Variants in PRKN observed in about 807,000 individuals in gnomAD.
PRKN encodes parkin RBR E3 ubiquitin protein ligase, also known as E3 ubiquitin-protein ligase parkin.
PRKN carries 56 observed loss-of-function variants against 59.5 expected under a neutral mutation model. The observed-to-expected ratio is 0.94, with a 90% confidence interval of 0.76 to 1.18. The LOEUF (loss-of-function observed/expected upper bound fraction) is 1.18. Among genes scored for constraint, PRKN ranks in the 50% most tolerant of loss-of-function variants. The pLI is 0.00. For synonymous variants in PRKN, 250 were observed against 222.1 expected (o/e 1.13, Z -1.12); for missense variants, 657 against 596.4 (o/e 1.10, Z -1.06).
At chr6:161,654,793 G>A (rs1582953337) in intron 7 of PRKN, among the ~76,000 whole-genome samples, 1 of 152,186 alleles carries the variant, frequency 6.6e-6, no homozygotes, top group Admixed American at 6.5e-5. Context: ...GAGAGAAGGA[G>A]GCCAGCAAAG....
intron 7 of PRKN, among the ~76,000 whole-genome samples, chr6:161,585,133 G>A (rs1208000082): frequency 6.6e-6 from 1 of 152,180 alleles, no homozygotes; most frequent in Admixed American, 6.5e-5. Context: ...GGAGGCACTT[G>A]GGAGGAAGCC....
chr6:162,092,972 A>C (rs1387508189), intron 4 of PRKN, among the ~76,000 whole-genome samples: 3 of 152,200 alleles, frequency 2.0e-5, no homozygotes, highest in African/African-American at 7.2e-5. Flanking sequence ...TAGCTCTCAG[A>C]GCCGAAGCTC....
At chr6:162,058,821 G>T (rs144969719) in intron 4 of PRKN, among the ~76,000 whole-genome samples, 423 of 152,038 alleles carry the variant, frequency 2.8e-3, no homozygotes, top group Non-Finnish European at 5.1e-3. Flanking sequence ...GCATGGTGGC[G>T]GGTGCCTGTA....
intron 3 of PRKN, among the ~76,000 whole-genome samples, chr6:162,245,225 C>CT (rs1246356740): frequency 3.3e-5 from 5 of 151,966 alleles, no homozygotes; most frequent in Non-Finnish European, 5.9e-5. Flanking sequence ...CAGTGGTTCA[C>CT]TTTTTTCCAG....
At chr6:162,556,342 G>GGAGT (rs1175202893) in intron 1 of PRKN, among the ~76,000 whole-genome samples, 1 of 57,300 alleles carries the variant, frequency 1.7e-5, no homozygotes, top group Admixed American at 1.9e-4. Flanking sequence ...CTACTCAGCT[G>GGAGT]GTGTGTGTGT....
At chr6:162,077,695 T>C (rs1053309331) in intron 4 of PRKN, among the ~76,000 whole-genome samples, 9 of 152,030 alleles carry the variant, frequency 5.9e-5, no homozygotes, top group Non-Finnish European at 1.3e-4. Context: ...GAGTTTTCTT[T>C]AAAATGTTTA....
intron 2 of PRKN, among the ~76,000 whole-genome samples, chr6:162,369,660 A>G (rs1785639877): frequency 6.6e-6 from 1 of 152,208 alleles, no homozygotes; most frequent in South Asian, 2.1e-4. Flanking sequence ...GTTTAAATGT[A>G]TTTCAGCTCT....
intron 7 of PRKN, among the ~76,000 whole-genome samples, chr6:161,705,334 C>T (rs1048373418): frequency 6.6e-6 from 1 of 152,190 alleles, no homozygotes; most frequent in African/African-American, 2.4e-5. Flanking sequence ...AACAATCTGA[C>T]ATGAAACAAG....
chr6:161,793,060 C>G (rs964422719), intron 6 of PRKN, among the ~76,000 whole-genome samples: 1 of 152,180 alleles, frequency 6.6e-6, no homozygotes, highest in Admixed American at 6.5e-5. Flanking sequence ...TTTCAGCCCA[C>G]GTGGGTCGTA....
chr6:162,434,284 G>C (rs781435261), intron 2 of PRKN, among the ~76,000 whole-genome samples: 7 of 152,122 alleles, frequency 4.6e-5, no homozygotes, highest in Non-Finnish European at 1.0e-4. Flanking sequence ...TCATGGGCTT[G>C]CCCAACAATT....
At chr6:161,853,820 A>G (rs556322628) in intron 6 of PRKN, among the ~76,000 whole-genome samples, 3 of 152,326 alleles carry the variant, frequency 2.0e-5, no homozygotes, top group Non-Finnish European at 4.4e-5. Flanking sequence ...TTTTATCCCC[A>G]GCTCTAAGAA....
At chr6:162,564,870 G>GAA (rs36063884) in intron 1 of PRKN, among the ~76,000 whole-genome samples, 2 of 119,154 alleles carry the variant, frequency 1.7e-5, no homozygotes, top group Non-Finnish European at 3.6e-5. Flanking sequence ...ACTTCAATCA[G>GAA]AAAAAAAAAA....
At chr6:162,537,756 TC>T in intron 1 of PRKN, among the ~76,000 whole-genome samples, 1 of 152,284 alleles carries the variant, frequency 6.6e-6, no homozygotes, top group South Asian at 2.1e-4. Context: ...CATCTCCTGT[TC>T]TCTCCACCAG....
chr6:162,344,486 G>A (rs745464746), intron 2 of PRKN, among the ~76,000 whole-genome samples: 2 of 152,020 alleles, frequency 1.3e-5, no homozygotes, highest in East Asian at 3.9e-4. Flanking sequence ...TGATGCCAAG[G>A]GGTGTTACGT....
chr6:161,617,202 G>A (rs1435034511), intron 7 of PRKN, among the ~76,000 whole-genome samples: 2 of 152,164 alleles, frequency 1.3e-5, no homozygotes, highest in Non-Finnish European at 2.9e-5. Flanking sequence ...CCGCGTAAAT[G>A]TCTTCTTTTG....
At chr6:161,365,465 T>C (rs988264544) in intron 10 of PRKN, among the ~76,000 whole-genome samples, 2 of 152,174 alleles carry the variant, frequency 1.3e-5, no homozygotes, top group Non-Finnish European at 2.9e-5. Context: ...GATGTTATAC[T>C]CAGCCCAAGA....
At chr6:162,626,278 T>G (rs1476707884) in intron 1 of PRKN, among the ~76,000 whole-genome samples, 1 of 152,210 alleles carries the variant, frequency 6.6e-6, no homozygotes, top group Non-Finnish European at 1.5e-5. Flanking sequence ...AATGCATTTG[T>G]GTAATGTTTC....
At chr6:161,358,562 C>T (rs1784852526) in intron 11 of PRKN, among the ~76,000 whole-genome samples, 1 of 152,186 alleles carries the variant, frequency 6.6e-6, no homozygotes, top group African/African-American at 2.4e-5. Flanking sequence ...TTGCAGTGAA[C>T]CGAGATTACG....
chr6:162,098,938 G>A (rs960194025), intron 4 of PRKN, among the ~76,000 whole-genome samples: 2 of 152,124 alleles, frequency 1.3e-5, no homozygotes, highest in Non-Finnish European at 2.9e-5. Flanking sequence ...CCACCAGGAC[G>A]AATATACAAA....
Sources: gnomAD v4.1 joint callset for allele counts (sites outside exome capture counted in the v4.1 genomes callset) on GRCh38, gnomAD v4.1.1 for gene constraint, MANE v1.5 for transcripts, NCBI Gene and HGNC (gene_info 2026-07-23, HGNC 2026-07-21) for gene names.